EYS: variants seen among roughly 807,000 people sequenced by gnomAD.
The protein encoded by EYS is protein eyes shut homolog.
Under a neutral mutation model 282.1 loss-of-function variants are expected in EYS, and 250 were observed. That is an observed-to-expected ratio of 0.89 (90% CI 0.80 to 0.98). The LOEUF (loss-of-function observed/expected upper bound fraction) is 0.98. Ranked by LOEUF, EYS falls within the 50% of genes least tolerant of loss-of-function variation. The probability of loss-of-function intolerance (pLI) is 0.00; values close to 1 mark genes in which losing one functional copy is unlikely to be tolerated. For synonymous variants in EYS, 1,355 were observed against 1,282.9 expected (o/e 1.06, Z -1.20); for missense variants, 4,016 against 3,709.0 (o/e 1.08, Z -2.15).
intron 5 of EYS, among the ~76,000 whole-genome samples, chr6:65,426,721 C>T (rs192036865): frequency 1.4e-4 from 21 of 152,168 alleles, no homozygotes; most frequent in African/African-American, 5.1e-4. Flanking sequence ...TACCCTTCTA[C>T]ACTATTTTCC....
chr6:64,405,848 T>A (rs2150439599), intron 28 of EYS, among the ~76,000 whole-genome samples: 1 of 152,270 alleles, frequency 6.6e-6, no homozygotes, highest in South Asian at 2.1e-4. Flanking sequence ...TGGAAAAACA[T>A]TCCATGCTCA....
At chr6:64,285,374 C>G (rs1480379427) in intron 30 of EYS, among the ~76,000 whole-genome samples, 1 of 152,236 alleles carries the variant, frequency 6.6e-6, no homozygotes, top group Non-Finnish European at 1.5e-5. Flanking sequence ...CCGCCAGTCT[C>G]TTTGATAAAA....
At chr6:65,232,610 C>A (rs1766812716) in intron 12 of EYS, among the ~76,000 whole-genome samples, 1 of 152,052 alleles carries the variant, frequency 6.6e-6, no homozygotes, top group Non-Finnish European at 1.5e-5. Flanking sequence ...TTATTAACAG[C>A]TTAAGATCTG....
At chr6:64,057,191 A>C (rs923223216) in intron 33 of EYS, among the ~76,000 whole-genome samples, 1 of 152,276 alleles carries the variant, frequency 6.6e-6, no homozygotes, top group Non-Finnish European at 1.5e-5. Flanking sequence ...GAAAATTGGT[A>C]AATCTTTTAA....
chr6:63,930,361 ATGTGTTTTACTGATAGGTAAC>A (rs1249445790), intron 35 of EYS, among the ~76,000 whole-genome samples: 2 of 113,676 alleles, frequency 1.8e-5, no homozygotes, highest in African/African-American at 6.8e-5. Flanking sequence ...ATTCAGTTTT[ATGTGTTTTACTGATAGGTAAC>A]ATCCAAAAAT....
chr6:64,386,032 T>C (rs1287167312), intron 29 of EYS, among the ~76,000 whole-genome samples: 1 of 152,184 alleles, frequency 6.6e-6, no homozygotes, highest in East Asian at 1.9e-4. Context: ...TCAGTTATTA[T>C]GGCTTCCACC....
chr6:64,539,334 G>A (rs752903640), intron 26 of EYS, among the ~76,000 whole-genome samples: 3 of 152,176 alleles, frequency 2.0e-5, no homozygotes, highest in Non-Finnish European at 4.4e-5. Context: ...GGGAGGCCCA[G>A]GTAGGAGGAT....
intron 31 of EYS, among the ~76,000 whole-genome samples, chr6:64,155,576 T>C (rs185160539): frequency 3.9e-5 from 6 of 152,222 alleles, no homozygotes; most frequent in African/African-American, 1.4e-4. Context: ...CAATATGTAA[T>C]TAGAGATTTC....
At chr6:64,346,819 T>G (rs1771421052) in intron 29 of EYS, among the ~76,000 whole-genome samples, 1 of 151,460 alleles carries the variant, frequency 6.6e-6, no homozygotes, top group Non-Finnish European at 1.5e-5. Context: ...ATGAAATATG[T>G]AATTATAATA....
chr6:64,552,997 CT>C (rs1159187500), intron 26 of EYS, among the ~76,000 whole-genome samples: 1 of 149,850 alleles, frequency 6.7e-6, no homozygotes, highest in Non-Finnish European at 1.5e-5. Context: ...TCCCTACCCA[CT>C]TCAAGTTGTC....
At chr6:65,501,413 A>G (rs1440569787) in intron 2 of EYS, among the ~76,000 whole-genome samples, 2 of 151,930 alleles carry the variant, frequency 1.3e-5, no homozygotes, top group African/African-American at 2.4e-5. Context: ...CTTAACAGAG[A>G]TAATATATTT....
intron 26 of EYS, among the ~76,000 whole-genome samples, chr6:64,489,039 T>C (rs1032238482): frequency 6.6e-5 from 10 of 150,896 alleles, no homozygotes; most frequent in African/African-American, 2.4e-4. Context: ...GGTAATGCTT[T>C]AGTTGGAGAA....
At chr6:64,930,697 G>T (rs1570489) in intron 15 of EYS, among the ~76,000 whole-genome samples, 109,210 of 151,982 alleles carry the variant, frequency 0.72, 40,247 homozygotes, top group African/African-American at 0.89. Context: ...ACTCATAAAA[G>T]ACAAACTAAG....
At position 63,720,748 on chromosome 6, in the gene EYS, T is replaced by G; in HGVS notation, c.9283A>C (p.Lys3095Gln). 1 of 1,550,382 alleles carries G rather than the reference T, an allele frequency of 6.5e-7. No homozygotes were observed. Among genetic ancestry groups the G allele is most frequent in the Non-Finnish European group, 8.7e-7 (1 of 1,146,294 alleles). ...ATCTCTTGAGTAACGATATTTACCT[T>G]TCTACCATATTCAAAGCCCCCTAGA... ...CYLGGFEYGR[K>Q]VNIVTQEIFK... The change falls in exon 43 of 43, where the codon AAG (lysine) becomes CAG (glutamine). Residue 3095 changes from lysine to glutamine, a missense_variant. By Grantham distance (53) the Lys-to-Gln change is moderately conservative. Coordinates refer to ENST00000503581, the MANE Select transcript of EYS (RefSeq NM_001142800.2).
intron 5 of EYS, among the ~76,000 whole-genome samples, chr6:65,437,599 A>T (rs2150389264): frequency 6.6e-6 from 1 of 152,310 alleles, no homozygotes; most frequent in South Asian, 2.1e-4. Context: ...AATATAACTT[A>T]AAATTTTAAA....
chr6:65,264,117 T>A (rs1767690153), intron 12 of EYS, among the ~76,000 whole-genome samples: 1 of 151,922 alleles, frequency 6.6e-6, no homozygotes, highest in Admixed American at 6.6e-5. Context: ...TTTAAAAAAA[T>A]TAATCAACCT....
At chr6:65,353,736 C>T in intron 8 of EYS, 119 bp from the exon 9 acceptor site, 2 of 756,012 alleles carry the variant, frequency 2.6e-6, no homozygotes, top group Non-Finnish European at 4.5e-6. Flanking sequence ...CTTTATGGGA[C>T]ACACTTTTTA....
At chr6:65,010,148 A>G (rs1039453694) in intron 13 of EYS, among the ~76,000 whole-genome samples, 2 of 152,236 alleles carry the variant, frequency 1.3e-5, no homozygotes, top group Non-Finnish European at 2.9e-5. Context: ...GAATAGCTCT[A>G]GGAGTCCTTA....
chr6:64,389,078 A>C (rs1773011484), intron 28 of EYS, among the ~76,000 whole-genome samples: 1 of 152,218 alleles, frequency 6.6e-6, no homozygotes, highest in Non-Finnish European at 1.5e-5. Context: ...GAAATAAATA[A>C]ATCCTGATAA....
Sources: allele counts gnomAD v4.1 joint callset (sites outside exome capture counted in the v4.1 genomes callset), GRCh38; gene constraint gnomAD v4.1.1; transcripts MANE v1.5; gene names NCBI Gene and HGNC (gene_info 2026-07-23, HGNC 2026-07-21).